SIAE: variants seen among roughly 807,000 people sequenced by gnomAD.
SIAE encodes the protein sialic acid acetylesterase.
SIAE carries 39 observed loss-of-function variants against 52.6 expected under a neutral mutation model. That is an observed-to-expected ratio of 0.74 (90% confidence interval 0.57 to 0.97). The LOEUF is 0.97. Ranked by LOEUF, SIAE falls within the 50% of genes least tolerant of loss-of-function variation. SIAE has a pLI of 0.00. For missense variants in SIAE, 592 were observed against 662.1 expected (o/e 0.89, Z 1.16); for synonymous variants, 233 against 241.4 (o/e 0.97, Z 0.32).
At chr11:124,673,782 G>A (rs936959262), upstream of SIAE, 5 of 1,534,580 alleles carry the variant, frequency 3.3e-6, no homozygotes, top group African/African-American at 5.5e-5. Context: ...GGGCGGGGGC[G>A]AGGCCGACTC....
chr11:124,663,558 A>G (rs1044778813), intron 2 of SIAE, among the ~76,000 whole-genome samples: 13 of 152,274 alleles, frequency 8.5e-5, no homozygotes, highest in Non-Finnish European at 1.8e-4. Context: ...TGGGCGACAG[A>G]GCGAGACTTT....
chr11:124,647,951 T>C, intron 6 of SIAE, 115 bp downstream of exon 6: 1 of 851,454 alleles, frequency 1.2e-6, no homozygotes, highest in Non-Finnish European at 2.0e-6. Context: ...CACAGAACAG[T>C]GAGCTGAATA....
At chr11:124,673,437 G>T (rs892006245) in intron 1 of SIAE, among the ~76,000 whole-genome samples, 2 of 152,234 alleles carry the variant, frequency 1.3e-5, no homozygotes, top group Non-Finnish European at 2.9e-5. Flanking sequence ...TGGTAAGTGG[G>T]GGGTGGAGAA....
chr11:124,660,186 A>G, intron 3 of SIAE: 1 of 230,770 alleles, frequency 4.3e-6, no homozygotes, highest in South Asian at 5.5e-5. Context: ...GCTACTTGGG[A>G]GGCTGAGGCA....
In SIAE at chr11:124,633,121, T is replaced by G. The variant is rs1942648297; in HGVS notation, c.*3830A>C. On this transcript the variant is annotated 3_prime_UTR_variant, in exon 10 of 10. Coordinates refer to ENST00000263593, the MANE Select transcript of SIAE (RefSeq NM_170601.5). Reference sequence around the variant, plus strand: ...TTTTGCACATCCTTCAAGGGGATCTTTAACCTCTTTAACCTTTGTATTGCA... The same window carrying G: ...TTTTGCACATCCTTCAAGGGGATCTGTAACCTCTTTAACCTTTGTATTGCA... 1 of 136,684 alleles carries G rather than the reference T, an allele frequency of 7.3e-6. No homozygotes were observed. The highest frequency in any genetic ancestry group is 1.5e-5 in the Non-Finnish European group (1 of 67,304). The allele number at this position is 136,684 out of a possible 1,614,324, so 8.5% of individuals were successfully genotyped here. A position where few individuals can be genotyped will look rare whatever the true frequency, so the allele number is the denominator to read the frequency against.
At chr11:124,649,914 T>G in intron 4 of SIAE, 118 bp from the exon 5 acceptor site, 1 of 936,838 alleles carries the variant, frequency 1.1e-6, no homozygotes. Flanking sequence ...TGTTGTTTTC[T>G]AAGACTTTCA....
At chr11:124,673,905 A>C, upstream of SIAE, 2 of 610,468 alleles carry the variant, frequency 3.3e-6, no homozygotes, top group East Asian at 2.8e-5. Flanking sequence ...TTACCCAGCA[A>C]CTAGAAAAAC....
rs114846517 is a variant in SIAE, at chr11:124,649,282, C to T, written c.722+337G>A. Among the ~76,000 whole-genome samples, 1,236 of 150,798 alleles carry T rather than the reference C, an allele frequency of 8.2e-3. 21 individuals are homozygous for T. Among genetic ancestry groups the T allele is most frequent in the African/African-American group, 0.027 (1,116 of 41,204 alleles). ...CTTCACCCATGGTCTTTAATATCTA[C>T]ACTTCAATATATTAATATATAATAA... On this transcript the variant is annotated intron_variant, in intron 5 of 9. Transcript: ENST00000263593.
In SIAE at chr11:124,639,815, C is replaced by G; in HGVS notation, c.1019G>C (p.Arg340Pro). 6.2e-7 allele frequency: 1 copy of G among 1,614,206 alleles called. No homozygotes were observed. Residue 340 changes from arginine (R) to proline (P), a missense_variant, in exon 8 of 10, where the codon CGT (arginine) becomes CCT (proline). Transcript: ENST00000263593. Reference sequence around the variant, plus strand: ...GCCGAAGTCTGCTGTTTGATGCCAACGGATCTGGGGAAATCCATCGTCTGA... The same window carrying G: ...GCCGAAGTCTGCTGTTTGATGCCAAGGGATCTGGGGAAATCCATCGTCTGA... Reference protein sequence around the residue: ...KSSDDGFPQIRWHQTADFGYV... With the variant: ...KSSDDGFPQIPWHQTADFGYV...
chr11:124,656,911 G>A (rs1254235779), intron 3 of SIAE, among the ~76,000 whole-genome samples: 1 of 152,170 alleles, frequency 6.6e-6, no homozygotes, highest in Non-Finnish European at 1.5e-5. Flanking sequence ...CACAGAGTGT[G>A]CAGCTGGCTC....
At chr11:124,647,570 T>C in intron 6 of SIAE, 72 bp from the exon 7 acceptor site, 1 of 1,568,180 alleles carries the variant, frequency 6.4e-7, no homozygotes, top group South Asian at 1.1e-5. Flanking sequence ...CTCTCCTCCC[T>C]CCATCCATGC....
At chr11:124,654,454 C>T (rs1943064684) in intron 4 of SIAE, 1 of 985,304 alleles carries the variant, frequency 1.0e-6, no homozygotes, top group Non-Finnish European at 1.2e-6. Context: ...CATTTCCCCA[C>T]AGCAAGAGGG....
chr11:124,648,290 C>CA lies in SIAE; in HGVS notation c.723-116dup. On this transcript the variant is annotated intron_variant, in intron 5 of 9. Coordinates refer to ENST00000263593, the MANE Select transcript of SIAE (RefSeq NM_170601.5). The stretch of plus-strand genomic sequence containing the variant: ...TGGTAAACTTCTGATGAAAGCAACA[C>CA]AGAATTAAAATTGAATCGAAACTCT... 5 of 759,638 alleles carry CA rather than the reference C, an allele frequency of 6.6e-6. No individual in the cohort carries two copies. In the South Asian group the frequency reaches 7.2e-5, roughly 11 times the overall value. 47.1% of individuals were successfully genotyped at this position (759,638 alleles called of 1,614,324 possible). A position where few individuals can be genotyped will look rare whatever the true frequency, so the allele number is the denominator to read the frequency against.
At chr11:124,658,487 G>A (rs1355619686) in intron 3 of SIAE, among the ~76,000 whole-genome samples, 1 of 152,058 alleles carries the variant, frequency 6.6e-6, no homozygotes, top group African/African-American at 2.4e-5. Flanking sequence ...CTGAGATATT[G>A]AAAAATGGGT....
intron 2 of SIAE, among the ~76,000 whole-genome samples, chr11:124,664,875 T>A (rs1328630346): frequency 8.0e-6 from 1 of 124,878 alleles, no homozygotes; most frequent in Non-Finnish European, 1.7e-5. Flanking sequence ...CCCTGTTCAC[T>A]TCCCCCCCAC....
chr11:124,653,009 T>C lies in SIAE; in HGVS notation c.544+1646A>G, dbSNP rs1022308903. 7.2e-5 allele frequency among the ~76,000 whole-genome samples: 11 copies of C among 152,168 alleles called. No individual in the cohort carries two copies. In the East Asian group the frequency reaches 1.7e-3, roughly 24 times the overall value. On this transcript the variant is annotated intron_variant, in intron 4 of 9. Transcript: ENST00000263593. ...ACAAGGCATAATACATTATCCAAAT[T>C]TGATTGAGTCCTGAGTTTTGGATAC...
Position 124,662,479 on chromosome 11 carries a change from T to C in SIAE, c.230-1676A>G, listed in dbSNP as rs140290363. Among the ~76,000 whole-genome samples, 1,082 of 152,342 alleles carry C rather than the reference T, an allele frequency of 7.1e-3. 9 individuals carry two copies. Among genetic ancestry groups the C allele is most frequent in the Admixed American group, 0.01 (160 of 15,308 alleles). Reference sequence around the variant, plus strand: ...GGACTATTTCTTAGCCTTCTATTGCTATACAATTTATTCCTATTCACTGCT... The same window carrying C: ...GGACTATTTCTTAGCCTTCTATTGCCATACAATTTATTCCTATTCACTGCT... On this transcript the variant is annotated intron_variant, in intron 2 of 9. Coordinates refer to ENST00000263593, the MANE Select transcript of SIAE (RefSeq NM_170601.5).
intron 1 of SIAE, chr11:124,669,723 T>C (rs1363128513): frequency 3.4e-6 from 2 of 580,102 alleles, no homozygotes; most frequent in Non-Finnish European, 6.2e-6. Context: ...GTATGCATCA[T>C]AGCACATGAT....
intron 1 of SIAE, among the ~76,000 whole-genome samples, chr11:124,672,862 T>G (rs1943387816): frequency 6.6e-6 from 1 of 152,162 alleles, no homozygotes; most frequent in Admixed American, 6.5e-5. Flanking sequence ...TTAACAGGGA[T>G]CTCTGGGGTC....
Sources: gnomAD v4.1 joint callset for allele counts (sites outside exome capture counted in the v4.1 genomes callset) on GRCh38, gnomAD v4.1.1 for gene constraint, MANE v1.5 for transcripts, NCBI Gene and HGNC (gene_info 2026-07-23, HGNC 2026-07-21) for gene names.